MTUS2: variants seen among roughly 807,000 people sequenced by gnomAD.
MTUS2 encodes the protein microtubule-associated tumor suppressor candidate 2.
In MTUS2, 40 loss-of-function variants were observed where a neutral mutation model predicts 114.1. The ratio of observed to expected loss-of-function variants is 0.35; its 90% CI spans 0.27 to 0.46. MTUS2 has a LOEUF of 0.46. MTUS2 is among the 20% of genes least tolerant of loss of function. The pLI is 1.00. For missense variants in MTUS2, 1,679 were observed against 1,705.4 expected (o/e 0.98, Z 0.27); for synonymous variants, 688 against 672.0 (o/e 1.02, Z -0.37).
chr13:29,392,523 A>G (rs1873588830), intron 8 of MTUS2, among the ~76,000 whole-genome samples: 1 of 152,200 alleles, frequency 6.6e-6, no homozygotes. Context: ...CCCTGGGGAA[A>G]TTAAGGAATG....
intron 5 of MTUS2, among the ~76,000 whole-genome samples, chr13:29,203,586 G>C (rs921234098): frequency 1.4e-5 from 2 of 145,546 alleles, no homozygotes; most frequent in Non-Finnish European, 3.0e-5. Context: ...AAAAACTCCT[G>C]CAGCTAGCTC....
At position 29,332,795 on chromosome 13, in the gene MTUS2, C is replaced by T. The variant is rs1268644764; in HGVS notation, c.2905+8084C>T. ...GACTACAGGCGCCCGCCACTACACC[C>T]GGCTAATTTTTTTGTATTTTTAGTA... On this transcript the variant is annotated intron_variant, in intron 7 of 15. Coordinates refer to ENST00000612955, the MANE Select transcript of MTUS2 (RefSeq NM_001033602.4). Among the ~76,000 whole-genome samples the T allele has an allele frequency of 3.3e-5, 5 of 152,042 alleles. No individual in the cohort carries two copies. In the East Asian group the frequency reaches 5.8e-4, roughly 18 times the overall value.
At chr13:29,151,057 GT>G (rs1340439934) in intron 5 of MTUS2, among the ~76,000 whole-genome samples, 2 of 152,042 alleles carry the variant, frequency 1.3e-5, no homozygotes, top group African/African-American at 2.4e-5. Flanking sequence ...TTTCAGAATA[GT>G]TTTTTTCTAA....
At chr13:28,820,086 C>A (rs1000781298), upstream of MTUS2, among the ~76,000 whole-genome samples, 1 of 147,060 alleles carries the variant, frequency 6.8e-6, no homozygotes, top group African/African-American at 2.4e-5. Context: ...CGAGGCGCGC[C>A]GGCTGCGTGG....
intron 4 of MTUS2, among the ~76,000 whole-genome samples, chr13:29,092,746 AGGTCTCTGGCTGG>A: frequency 7.5e-6 from 1 of 133,710 alleles, no homozygotes; most frequent in South Asian, 2.4e-4. Context: ...TTGGCCATGG[AGGTCTCTGGCTGG>A]CAAAGTGACA....
At chr13:29,337,191 GAAA>G (rs56293634) in intron 7 of MTUS2, among the ~76,000 whole-genome samples, 1 of 149,302 alleles carries the variant, frequency 6.7e-6, no homozygotes, top group South Asian at 2.1e-4. Flanking sequence ...ACTGGCATAT[GAAA>G]AAAAAAAAAC....
chr13:28,828,057 G>T (rs1281251107), intron 1 of MTUS2, among the ~76,000 whole-genome samples: 1 of 152,124 alleles, frequency 6.6e-6, no homozygotes, highest in African/African-American at 2.4e-5. Context: ...GGAGACTGGG[G>T]CTTATTTCAC....
chr13:29,283,467 A>G (rs890251799), intron 6 of MTUS2, among the ~76,000 whole-genome samples: 2 of 152,212 alleles, frequency 1.3e-5, no homozygotes, highest in Admixed American at 1.3e-4. Context: ...TTCAGCTACA[A>G]TTTATTAACA....
At chr13:28,964,739 C>CT (rs771989715) in intron 2 of MTUS2, among the ~76,000 whole-genome samples, 1 of 147,088 alleles carries the variant, frequency 6.8e-6, no homozygotes, top group South Asian at 2.2e-4. Context: ...GTACAAGAAG[C>CT]TTTTTTGTGT....
At chr13:28,846,896 C>G (rs779915419) in intron 2 of MTUS2, among the ~76,000 whole-genome samples, 16 of 152,234 alleles carry the variant, frequency 1.1e-4, no homozygotes, top group Non-Finnish European at 1.6e-4. Context: ...TATTTCCTTA[C>G]TGGGCTGTAT....
intron 7 of MTUS2, among the ~76,000 whole-genome samples, chr13:29,353,618 C>CT (rs888117480): frequency 3.9e-5 from 6 of 152,154 alleles, no homozygotes; most frequent in African/African-American, 1.4e-4. Context: ...TATTCTTAAG[C>CT]TTTTTTCTGG....
chr13:29,183,867 A>G (rs1481542819), intron 5 of MTUS2, among the ~76,000 whole-genome samples: 5 of 152,188 alleles, frequency 3.3e-5, no homozygotes. Context: ...TTTACTACAG[A>G]AAGAATTTTC....
chr13:29,185,478 C>T (rs1171107027), intron 5 of MTUS2, among the ~76,000 whole-genome samples: 1 of 152,164 alleles, frequency 6.6e-6, no homozygotes, highest in Non-Finnish European at 1.5e-5. Flanking sequence ...CCATCTTAGA[C>T]ACATCATAAT....
intron 4 of MTUS2, among the ~76,000 whole-genome samples, chr13:29,070,135 G>A (rs1377105072): frequency 6.6e-6 from 1 of 152,202 alleles, no homozygotes; most frequent in East Asian, 1.9e-4. Context: ...GACACCAGCT[G>A]TGCTGGGCTT....
chr13:29,241,255 G>A (rs1203336201), intron 5 of MTUS2, among the ~76,000 whole-genome samples: 2 of 151,428 alleles, frequency 1.3e-5, no homozygotes, highest in African/African-American at 4.9e-5. Flanking sequence ...CTCTTTTCTT[G>A]TCTTTAAAAT....
At chr13:29,375,580 T>TA (rs1566163493) in intron 8 of MTUS2, among the ~76,000 whole-genome samples, 43 of 3,870 alleles carry the variant, frequency 0.011, 3 homozygotes, top group East Asian at 0.062. Context: ...TATACATATA[T>TA]ATATATACGT....
intron 9 of MTUS2, among the ~76,000 whole-genome samples, chr13:29,470,500 C>A (rs765280400): frequency 2.0e-5 from 3 of 152,176 alleles, no homozygotes; most frequent in Non-Finnish European, 4.4e-5. Context: ...CAGCCTGAGT[C>A]CAAGTCATCA....
At chr13:29,234,873 G>A (rs1373124574) in intron 5 of MTUS2, among the ~76,000 whole-genome samples, 2 of 151,554 alleles carry the variant, frequency 1.3e-5, no homozygotes, top group South Asian at 2.1e-4. Flanking sequence ...TTTTTTATTA[G>A]TCTCTTATGT....
Position 29,100,931 on chromosome 13 carries a change from G to C in MTUS2, c.2605G>C (p.Gly869Arg), listed in dbSNP as rs372355162. 2 of 1,577,476 alleles carry C rather than the reference G, an allele frequency of 1.3e-6. No individual in the cohort carries two copies. The highest frequency in any genetic ancestry group is 1.8e-5 in the Admixed American group (1 of 54,862). Reference protein sequence around the residue: ...SVSSVSSTQSGDSAQPEQGRP... With the variant: ...SVSSVSSTQSRDSAQPEQGRP... ...CTCCTCAGTCTCCAGCACCCAGTCC[G>C]GGGACAGTGCACAGCCAGAGCAGGG... Residue 869 changes from glycine (G) to arginine (R), a missense_variant, in exon 5 of 16, where the codon GGG (glycine) becomes CGG (arginine). This residue lies in a region of MTUS2 where 822 missense variants were observed against 899.7 expected (regional missense o/e 0.91). Transcript: ENST00000612955.
Sources: allele counts gnomAD v4.1 joint callset (sites outside exome capture counted in the v4.1 genomes callset), GRCh38; gene constraint gnomAD v4.1.1; regional missense constraint gnomAD v4.1.1; transcripts MANE v1.5; gene names NCBI Gene and HGNC (gene_info 2026-07-23, HGNC 2026-07-21).